ARMH4: variants seen among roughly 807,000 people sequenced by gnomAD.
ARMH4 encodes armadillo-like helical domain-containing protein 4.
A neutral mutation model predicts 61.9 loss-of-function variants in ARMH4; 49 were observed. That is an observed-to-expected ratio of 0.79 (90% CI 0.63 to 1.00). The LOEUF (loss-of-function observed/expected upper bound fraction) is 1.00. Among genes scored for constraint, ARMH4 ranks in the 50% least tolerant of loss-of-function variants. ARMH4 has a pLI of 0.00. For missense variants in ARMH4, 934 were observed against 930.0 expected (o/e 1.00, Z -0.06); for synonymous variants, 368 against 341.5 (o/e 1.08, Z -0.85).
intron 5 of ARMH4, among the ~76,000 whole-genome samples, chr14:58,058,200 C>G (rs1884412330): frequency 6.6e-6 from 1 of 152,152 alleles, no homozygotes; most frequent in South Asian, 2.1e-4. Context: ...CTATGCACAT[C>G]TTCCCATATA....
chr14:58,139,454 C>T (rs758105346), intron 1 of ARMH4, 40 bp from the exon 2 acceptor site: 1 of 1,130,344 alleles, frequency 8.8e-7, no homozygotes, highest in Non-Finnish European at 1.3e-6. Flanking sequence ...CATATAAATA[C>T]ATGTTGTAAA....
At position 58,126,371 on chromosome 14, in the gene ARMH4, G is replaced by C. The variant is rs371041364; in HGVS notation, c.1831+5141C>G. 2.2e-3 allele frequency among the ~76,000 whole-genome samples: 342 copies of C among 152,260 alleles called. 1 individual carries two copies. The highest frequency in any genetic ancestry group is 7.4e-3 in the African/African-American group (307 of 41,542). On this transcript the variant is annotated intron_variant, in intron 4 of 7. Coordinates refer to ENST00000267485, the MANE Select transcript of ARMH4 (RefSeq NM_001001872.4). ...ATCAGTAAAGAAGACCGCAGAAGGGGACAGAACTAGAAACCCCAGATAAGG... is the reference window on the plus strand; with the variant it reads ...ATCAGTAAAGAAGACCGCAGAAGGGCACAGAACTAGAAACCCCAGATAAGG...
Position 58,084,899 on chromosome 14 carries a change from C to A in ARMH4, c.2089+11825G>T, listed in dbSNP as rs1049172467. ...GAGTTGGAAAAGCAGAACCCTGTGG[C>A]CATTAATTCTCAAATGCTGAAATGA... On this transcript the variant is annotated intron_variant, in intron 5 of 7. Transcript: ENST00000267485. 4.6e-5 allele frequency among the ~76,000 whole-genome samples: 7 copies of A among 152,178 alleles called. 1 individual carries two copies. The highest frequency in any genetic ancestry group is 3.3e-4 in the Admixed American group (5 of 15,268).
chr14:58,071,708 A>G (rs1884888557), intron 5 of ARMH4, among the ~76,000 whole-genome samples: 1 of 152,248 alleles, frequency 6.6e-6, no homozygotes, highest in Non-Finnish European at 1.5e-5. Context: ...TTGTCAAAGT[A>G]TTTGACAAGA....
At chr14:58,065,496 C>G (rs895905210) in intron 5 of ARMH4, among the ~76,000 whole-genome samples, 3 of 152,240 alleles carry the variant, frequency 2.0e-5, no homozygotes. Flanking sequence ...ATACCCTCGA[C>G]AGAGCTTCTC....
chr14:58,018,234 C>T (rs1362090285), intron 5 of ARMH4, among the ~76,000 whole-genome samples: 1 of 151,992 alleles, frequency 6.6e-6, no homozygotes. Flanking sequence ...TTGGCTATCA[C>T]TCCAAAAGCA....
At chr14:58,063,380 T>C (rs1038224207) in intron 5 of ARMH4, among the ~76,000 whole-genome samples, 1 of 152,170 alleles carries the variant, frequency 6.6e-6, no homozygotes, top group Non-Finnish European at 1.5e-5. Context: ...GACCCCAGGG[T>C]TAGGACTTCA....
intron 5 of ARMH4, among the ~76,000 whole-genome samples, chr14:58,028,383 A>G (rs572657285): frequency 6.6e-6 from 1 of 152,324 alleles, no homozygotes; most frequent in East Asian, 1.9e-4. Flanking sequence ...AGGGTTGCAC[A>G]TTAATCTCTG....
chr14:58,062,740 C>G (rs1884571916), intron 5 of ARMH4, among the ~76,000 whole-genome samples: 1 of 152,190 alleles, frequency 6.6e-6, no homozygotes, highest in Non-Finnish European at 1.5e-5. Context: ...AATAATTTGC[C>G]TAAGGGCATA....
At chr14:58,120,336 A>T (rs1029552577) in intron 4 of ARMH4, among the ~76,000 whole-genome samples, 1 of 151,938 alleles carries the variant, frequency 6.6e-6, no homozygotes, top group Non-Finnish European at 1.5e-5. Flanking sequence ...AATCTATAAC[A>T]CAAACACTCC....
At chr14:58,114,124 G>T (rs1028939979) in intron 4 of ARMH4, among the ~76,000 whole-genome samples, 2 of 151,936 alleles carry the variant, frequency 1.3e-5, no homozygotes, top group Admixed American at 6.6e-5. Context: ...CCTCACATTT[G>T]CTTGGTTCTA....
Position 58,138,667 on chromosome 14 carries a change from T to C in ARMH4, c.692A>G (p.His231Arg), listed in dbSNP as rs1429153899. 6.2e-7 allele frequency: 1 copy of C among 1,614,206 alleles called. No homozygotes were observed. Among genetic ancestry groups the C allele is most frequent in the East Asian group, 2.2e-5 (1 of 44,872 alleles). Reference protein sequence around the residue: ...KTEKFEADTDHRTTSFPGAES... With the variant: ...KTEKFEADTDRRTTSFPGAES... ...AGCACCAGGAAAAGAAGTTGTCCTG[T>C]GGTCTGTGTCTGCTTCAAATTTCTC... Residue 231 changes from histidine (H) to arginine (R), a missense_variant, in exon 2 of 8, where the codon CAC (histidine) becomes CGC (arginine). By Grantham distance (29) the His-to-Arg change is conservative. Coordinates refer to ENST00000267485, the MANE Select transcript of ARMH4 (RefSeq NM_001001872.4).
At chr14:58,065,371 C>A (rs940976165) in intron 5 of ARMH4, among the ~76,000 whole-genome samples, 7 of 152,222 alleles carry the variant, frequency 4.6e-5, no homozygotes, top group African/African-American at 1.7e-4. Flanking sequence ...ACCTACCAAG[C>A]ATCATAATTA....
intron 6 of ARMH4, among the ~76,000 whole-genome samples, chr14:58,008,119 G>A (rs536489566): frequency 3.2e-4 from 49 of 152,152 alleles, no homozygotes; most frequent in African/African-American, 1.1e-3. Context: ...GTATTATATC[G>A]ATATTGAATA....
At chr14:58,050,254 T>C (rs577497531) in intron 5 of ARMH4, among the ~76,000 whole-genome samples, 2 of 152,320 alleles carry the variant, frequency 1.3e-5, no homozygotes, top group Non-Finnish European at 2.9e-5. Context: ...TGCAGTGCTG[T>C]GGAAGGGGGC....
At chr14:58,071,178 C>A (rs899212687) in intron 5 of ARMH4, among the ~76,000 whole-genome samples, 2 of 149,790 alleles carry the variant, frequency 1.3e-5, no homozygotes, top group African/African-American at 4.9e-5. Flanking sequence ...TACAATAGTA[C>A]GGGTAATAAT....
In ARMH4 at chr14:58,020,158, G is replaced by T. The variant is rs181330718; in HGVS notation, c.2090-8008C>A. Among the ~76,000 whole-genome samples, 23 of 152,304 alleles carry T rather than the reference G, an allele frequency of 1.5e-4. 1 individual carries two copies. The highest frequency in any genetic ancestry group is 2.8e-4 in the Non-Finnish European group (19 of 68,032). ...TAGTGCTCACAGTCACACAGCTAAA[G>T]AGTAGCTGATCTGGAATTGGAACTC... On this transcript the variant is annotated intron_variant, in intron 5 of 7. Coordinates refer to ENST00000267485, the MANE Select transcript of ARMH4 (RefSeq NM_001001872.4).
intron 4 of ARMH4, among the ~76,000 whole-genome samples, chr14:58,121,466 AC>A (rs1359591810): frequency 6.6e-6 from 1 of 152,220 alleles, no homozygotes; most frequent in Non-Finnish European, 1.5e-5. Context: ...TACCAGAAAA[AC>A]GAGAGTAAAT....
chr14:58,096,888 G>C lies in ARMH4; in HGVS notation c.1925C>G (p.Ser642Trp). 1 of 1,614,084 alleles carries C rather than the reference G, an allele frequency of 6.2e-7. No individual in the cohort carries two copies. Reference sequence around the variant, plus strand: ...GTCACCATCCAAGCCCTCATCCAGCGAGTCTGCATCTTTATCTTCCTCATC... The same window carrying C: ...GTCACCATCCAAGCCCTCATCCAGCCAGTCTGCATCTTTATCTTCCTCATC... ...EEDEEDKDAD[S>W]LDEGLDGDTE... is the part of the protein sequence containing the mutation. Residue 642 changes from serine to tryptophan, a missense_variant, in exon 5 of 8, where the codon TCG becomes TGG. By Grantham distance (177) the Ser-to-Trp change is radical (BLOSUM62 -3). Transcript: ENST00000267485.
Sources: allele counts gnomAD v4.1 joint callset (sites outside exome capture counted in the v4.1 genomes callset), GRCh38; gene constraint gnomAD v4.1.1; transcripts MANE v1.5; gene names NCBI Gene and HGNC (gene_info 2026-07-23, HGNC 2026-07-21).